The following GTF2I variants were observed in gnomAD, a reference collection of about 807,000 sequenced individuals.
GTF2I encodes the protein general transcription factor II-I.
GTF2I carries 12 observed loss-of-function variants against 67.6 expected under a neutral mutation model. The observed-to-expected ratio is 0.18, with a 90% CI of 0.11 to 0.29. The LOEUF (loss-of-function observed/expected upper bound fraction) is 0.29. Among genes scored for constraint, GTF2I ranks in the 10% least tolerant of loss-of-function variants. The probability of loss-of-function intolerance (pLI) is 1.00; values close to 1 mark genes in which losing one functional copy is unlikely to be tolerated. For missense variants in GTF2I, 271 were observed against 580.1 expected (o/e 0.47, Z 5.47); for synonymous variants, 149 against 197.0 (o/e 0.76, Z 2.04).
At chr7:74,692,786 G>T (rs2131301889) in intron 3 of GTF2I, among the ~76,000 whole-genome samples, 1 of 152,234 alleles carries the variant, frequency 6.6e-6, no homozygotes. Context: ...TTTTGAGACG[G>T]AGTTTTGCTC....
chr7:74,715,044 A>T (rs1050352448), intron 10 of GTF2I, 128 bp downstream of exon 10: 5 of 525,462 alleles, frequency 9.5e-6, no homozygotes, highest in African/African-American at 4.0e-5. Context: ...AAAAAAATGT[A>T]TTGGCCTTTT....
chr7:74,668,133 T>C (rs1248134425), intron 1 of GTF2I, among the ~76,000 whole-genome samples: 1 of 149,184 alleles, frequency 6.7e-6, no homozygotes, highest in Non-Finnish European at 1.5e-5. Flanking sequence ...CGCCCAGTCT[T>C]AACCATTTTT....
At chr7:74,699,690 C>A (rs747733341) in intron 4 of GTF2I, 3 of 154,100 alleles carry the variant, frequency 1.9e-5, no homozygotes, top group Admixed American at 1.3e-4. Flanking sequence ...AAAGCTCTTA[C>A]AAGAAAACAG....
chr7:74,704,709 G>A (rs1476034169), intron 6 of GTF2I, among the ~76,000 whole-genome samples: 1 of 151,862 alleles, frequency 6.6e-6, no homozygotes, highest in Non-Finnish European at 1.5e-5. Context: ...ACAATTAGCT[G>A]GGAGTGGTAA....
chr7:74,720,100 G>C (rs1021581171), intron 12 of GTF2I, among the ~76,000 whole-genome samples: 4 of 152,276 alleles, frequency 2.6e-5, no homozygotes, highest in African/African-American at 9.6e-5. Flanking sequence ...CCAGCTTATT[G>C]TGTCTACTTA....
chr7:74,713,126 TA>T (rs1441193956), intron 9 of GTF2I, among the ~76,000 whole-genome samples: 1 of 152,122 alleles, frequency 6.6e-6, no homozygotes, highest in Non-Finnish European at 1.5e-5. Context: ...GACATTAAAA[TA>T]ATTTGAAAGT....
In GTF2I at chr7:74,689,929, C is replaced by T. The variant is rs587678844; in HGVS notation, c.99+702C>T. 3.6e-4 allele frequency among the ~76,000 whole-genome samples: 55 copies of T among 151,932 alleles called. 1 individual carries two copies. Among genetic ancestry groups the T allele is most frequent in the East Asian group, 3.9e-4 (2 of 5,134 alleles). On this transcript the variant is annotated intron_variant, in intron 2 of 34. Transcript: ENST00000573035. ...ACAGGGTTTCACCATGTTGGTCACG[C>T]GGGTCTCGAACTCCCGACCTCAGGT...
chr7:74,723,275 G>T (rs1311362675), intron 12 of GTF2I, among the ~76,000 whole-genome samples: 2 of 151,312 alleles, frequency 1.3e-5, no homozygotes, highest in African/African-American at 4.9e-5. Context: ...ATAGGCGCCC[G>T]CCACCATGCC....
chr7:74,722,945 T>C (rs1254608101), intron 12 of GTF2I, among the ~76,000 whole-genome samples: 1 of 152,212 alleles, frequency 6.6e-6, no homozygotes, highest in East Asian at 1.9e-4. Flanking sequence ...AGAGTTTCAG[T>C]ATTTTAGTAG....
chr7:74,674,297 C>T (rs979034055), intron 1 of GTF2I, among the ~76,000 whole-genome samples: 4 of 152,040 alleles, frequency 2.6e-5, no homozygotes, highest in African/African-American at 9.7e-5. Context: ...AACTCTTGGT[C>T]TTAAGCAGCC....
intron 12 of GTF2I, among the ~76,000 whole-genome samples, chr7:74,722,307 G>A (rs1215956190): frequency 6.6e-6 from 1 of 152,140 alleles, no homozygotes; most frequent in Non-Finnish European, 1.5e-5. Flanking sequence ...CTTAGGTTTG[G>A]GAAATCGGCC....
At chr7:74,690,917 G>C (rs2131294419) in intron 2 of GTF2I, 56 bp from the exon 3 acceptor site, 13 of 1,528,028 alleles carry the variant, frequency 8.5e-6, no homozygotes, top group Non-Finnish European at 1.2e-5. Context: ...TCATCGAGCA[G>C]AAATGATGCT....
chr7:74,715,323 C>T (rs1421851688), intron 10 of GTF2I, among the ~76,000 whole-genome samples: 2 of 151,922 alleles, frequency 1.3e-5, no homozygotes, highest in Admixed American at 6.6e-5. Context: ...GAATTGATTG[C>T]CTTTTTGGCA....
At chr7:74,662,210 T>C (rs1168549445) in intron 1 of GTF2I, among the ~76,000 whole-genome samples, 24 of 21,802 alleles carry the variant, frequency 1.1e-3, no homozygotes, top group African/African-American at 1.8e-3. Context: ...CTTTCTTTTT[T>C]TTTTTTTTTT....
chr7:74,696,833 T>G (rs1788968643), intron 3 of GTF2I, among the ~76,000 whole-genome samples: 1 of 152,064 alleles, frequency 6.6e-6, no homozygotes, highest in South Asian at 2.1e-4. Flanking sequence ...TGTAAAGTAC[T>G]TTGCAGATAA....
chr7:74,664,650 C>T (rs890308248), intron 1 of GTF2I, among the ~76,000 whole-genome samples: 20 of 152,032 alleles, frequency 1.3e-4, no homozygotes, highest in African/African-American at 4.6e-4. Flanking sequence ...CCAGGCTGGT[C>T]TCAAACTGCT....
chr7:74,716,586 TCTG>T (rs1381829478), intron 10 of GTF2I: 1 of 252,682 alleles, frequency 4.0e-6, no homozygotes, highest in Admixed American at 4.9e-5. Flanking sequence ...GAAGCATAAT[TCTG>T]CTTCCTCAGA....
intron 1 of GTF2I, among the ~76,000 whole-genome samples, chr7:74,679,016 C>T (rs1786963442): frequency 6.6e-6 from 1 of 151,662 alleles, no homozygotes; most frequent in Non-Finnish European, 1.5e-5. Context: ...GTGATTTGCC[C>T]ACCTCAGCCT....
At chr7:74,678,055 C>G (rs587635288) in intron 1 of GTF2I, among the ~76,000 whole-genome samples, 17 of 151,788 alleles carry the variant, frequency 1.1e-4, no homozygotes, top group East Asian at 1.9e-4. Flanking sequence ...CTGTCTGTCT[C>G]TCTCTCTCTC....
Sources: gnomAD v4.1 joint callset for allele counts (sites outside exome capture counted in the v4.1 genomes callset) on GRCh38, gnomAD v4.1.1 for gene constraint, MANE v1.5 for transcripts, NCBI Gene and HGNC (gene_info 2026-07-23, HGNC 2026-07-21) for gene names.